Variants in SBSN observed in about 807,000 individuals in gnomAD.
SBSN encodes the protein suprabasin.
A neutral mutation model predicts 42.8 loss-of-function variants in SBSN; 33 were observed. The observed-to-expected ratio is 0.77, with a 90% CI of 0.58 to 1.03. The LOEUF (loss-of-function observed/expected upper bound fraction) is 1.03. Among genes scored for constraint, SBSN ranks in the 50% least tolerant of loss-of-function variants. The probability of loss-of-function intolerance (pLI) is 0.00; values close to 1 mark genes in which losing one functional copy is unlikely to be tolerated. For missense variants in SBSN, 646 were observed against 757.3 expected, an observed-to-expected ratio of 0.85 and a Z score of 1.72; for synonymous variants, 276 against 307.0, an observed-to-expected ratio of 0.90 and a Z score of 1.06.
chr19:35,527,092 A>G lies in SBSN; in HGVS notation c.1190T>C (p.Val397Ala). ...GACCACTCTGTCTTCCTCCTTCCCCACCTGCGAGGCAGCATGGTGGACACC... is the reference window on the plus strand; with the variant it reads ...GACCACTCTGTCTTCCTCCTTCCCCGCCTGCGAGGCAGCATGGTGGACACC... ...GQGVHHAASQVGKEEDRVVQG... is the reference protein window; with the variant it reads ...GQGVHHAASQAGKEEDRVVQG... Residue 397 changes from valine (V) to alanine (A), a missense_variant, in exon 1 of 4, where the codon GTG becomes GCG. Transcript: ENST00000452271. The G allele has an allele frequency of 6.6e-7, 1 of 1,524,314 alleles. No individual in the cohort carries two copies. The highest frequency in any genetic ancestry group is 2.0e-5 in the Admixed American group (1 of 49,648). 94.4% of individuals were successfully genotyped at this position (1,524,314 alleles called of 1,614,324 possible). A position where few individuals can be genotyped will look rare whatever the true frequency, so the allele number is the denominator to read the frequency against.
chr19:35,527,157 C>G lies in SBSN; in HGVS notation c.1125G>C (p.Gly375=), dbSNP rs1448926719. The change falls in exon 1 of 4, where the codon GGG becomes GGC. Residue 375 remains glycine, a synonymous_variant. Transcript: ENST00000452271. The part of the protein sequence containing the change: ...TEKLGHGVHH[G]VNEAWKEAEK... ...CTGCTTCCTTCCAGGCCTCATTAACCCCATGGTGGACCCCATGGCCGAGCT... is the reference window on the plus strand; with the variant it reads ...CTGCTTCCTTCCAGGCCTCATTAACGCCATGGTGGACCCCATGGCCGAGCT... The G allele has an allele frequency of 6.5e-7, 1 of 1,531,288 alleles. No individual in the cohort carries two copies. Among genetic ancestry groups the G allele is most frequent in the Admixed American group, 2.0e-5 (1 of 50,460 alleles). 94.9% of individuals were successfully genotyped at this position (1,531,288 alleles called of 1,614,324 possible). A position where few individuals can be genotyped will look rare whatever the true frequency, so the allele number is the denominator to read the frequency against.
intron 1 of SBSN, among the ~76,000 whole-genome samples, chr19:35,525,881 C>T (rs2071364713): frequency 6.6e-6 from 1 of 152,162 alleles, no homozygotes; most frequent in African/African-American, 2.4e-5. Flanking sequence ...TAGGGTTTCA[C>T]CATGTTGGCC....
At chr19:35,524,432 C>T (rs1250163727) in intron 3 of SBSN, among the ~76,000 whole-genome samples, 1 of 152,066 alleles carries the variant, frequency 6.6e-6, no homozygotes, top group Admixed American at 6.5e-5. Context: ...CCTCCTCCCT[C>T]CCTGGCTCCC....
At chr19:35,524,678 C>T in intron 3 of SBSN, 33 bp downstream of exon 3, 1 of 1,612,732 alleles carries the variant, frequency 6.2e-7, no homozygotes, top group Non-Finnish European at 8.5e-7. Context: ...TATCAGGACG[C>T]AGAGCAGAAA....
Position 35,528,311 on chromosome 19 carries a change from G to C in SBSN, c.-30C>G. The C allele has an allele frequency of 1.3e-6, 2 of 1,565,498 alleles. No individual in the cohort carries two copies. Among genetic ancestry groups the C allele is most frequent in the South Asian group, 1.2e-5 (1 of 84,720 alleles). ...CTGGGAAGGTCGGGAAGGATGCAGA[G>C]AGGAGCCAGGGAAGCCACGCTGCTA... On this transcript the variant is annotated 5_prime_UTR_variant, in exon 1 of 4. Coordinates refer to ENST00000452271, the MANE Select transcript of SBSN (RefSeq NM_001166034.2).
In SBSN at chr19:35,526,889, T is replaced by C. The variant is rs1243222237; in HGVS notation, c.1393A>G (p.Thr465Ala). 6.2e-7 allele frequency: 1 copy of C among 1,611,874 alleles called. No homozygotes were observed. The highest frequency in any genetic ancestry group is 2.2e-5 in the East Asian group (1 of 44,776). Residue 465 changes from threonine to alanine, a missense_variant, in exon 1 of 4, where the codon ACC becomes GCC. Physicochemically the swap from Thr to Ala is moderately conservative, Grantham distance 58. Coordinates refer to ENST00000452271, the MANE Select transcript of SBSN (RefSeq NM_001166034.2). ...AGQFGQGVHH[T>A]LEQAGKEADK... Reference sequence around the variant, plus strand: ...GCTTCCTTCCCGGCCTGTTCAAGGGTATGGTGAACTCCCTGGCCAAACTGC... The same window carrying C: ...GCTTCCTTCCCGGCCTGTTCAAGGGCATGGTGAACTCCCTGGCCAAACTGC...
rs191965342 is a variant in SBSN at position 35,527,010 on chromosome 19, G to A, written c.1272C>T (p.His424=). Residue 424 remains histidine (H), a synonymous_variant, in exon 1 of 4, where the codon CAC becomes CAT. Transcript: ENST00000452271. ...QAGREAGQFG[H]DIHHTAGQAG... is the part of the protein sequence containing the mutation. ...CCTGCCCTGCTGTGTGGTGAATGTCGTGGCCAAACTGCCCCGCCTCCCTTC... is the reference window on the plus strand; with the variant it reads ...CCTGCCCTGCTGTGTGGTGAATGTCATGGCCAAACTGCCCCGCCTCCCTTC... 705 of 1,544,102 alleles carry A rather than the reference G, an allele frequency of 4.6e-4. 3 individuals carry two copies. The South Asian group carries it at 4.7e-3, about 10-fold the overall frequency.
chr19:35,528,016 C>A lies in SBSN; in HGVS notation c.266G>T (p.Gly89Val), dbSNP rs1400287396. Reference protein sequence around the residue: ...TGKELDKGVQGLNHGMDKVAH... With the variant: ...TGKELDKGVQVLNHGMDKVAH... ...AACCTTGTCCATGCCGTGGTTGAGC[C>A]CCTGGACGCCTTTGTCCAACTCCTT... Residue 89 changes from glycine (G) to valine (V), a missense_variant, in exon 1 of 4, where the codon GGG becomes GTG. Physicochemically the swap from Gly to Val is moderately radical, Grantham distance 109. Coordinates refer to ENST00000452271, the MANE Select transcript of SBSN (RefSeq NM_001166034.2). 4 of 1,613,716 alleles carry A rather than the reference C, an allele frequency of 2.5e-6. No homozygotes were observed. Among genetic ancestry groups the A allele is most frequent in the Non-Finnish European group, 3.4e-6 (4 of 1,180,046 alleles).
At chr19:35,526,613 G>A in intron 1 of SBSN, 31 bp downstream of exon 1, 2 of 281,792 alleles carry the variant, frequency 7.1e-6, no homozygotes, top group East Asian at 1.0e-4. Flanking sequence ...CAACCCCCCT[G>A]TCCCCCATCT....
Position 35,527,750 on chromosome 19 carries a change from C to A in SBSN, c.532G>T (p.Ala178Ser), listed in dbSNP as rs1184825638. ...GRFGQGVHHA[A>S]GQAGNEAGRF... The stretch of plus-strand genomic sequence containing the variant: ...CCAGCCTCATTTCCGGCCTGCCCTG[C>A]AGCATGGTGGACTCCCTGGCCAAAC... The change falls in exon 1 of 4, where the codon GCA becomes TCA. Residue 178 changes from alanine to serine, a missense_variant. Coordinates refer to ENST00000452271, the MANE Select transcript of SBSN (RefSeq NM_001166034.2). 7 of 1,579,906 alleles carry A rather than the reference C, an allele frequency of 4.4e-6. No homozygotes were observed. Among genetic ancestry groups the A allele is most frequent in the Non-Finnish European group, 5.2e-6 (6 of 1,164,546 alleles).
chr19:35,524,642 CG>C, intron 3 of SBSN, 68 bp downstream of exon 3: 1 of 1,561,270 alleles, frequency 6.4e-7, no homozygotes, highest in Non-Finnish European at 8.8e-7. Flanking sequence ...AAACAGACAC[CG>C]GGAAGGGGTC....
intron 3 of SBSN, 85 bp from the exon 4 acceptor site, chr19:35,523,618 A>G: frequency 7.4e-7 from 1 of 1,347,148 alleles, no homozygotes; most frequent in South Asian, 1.2e-5. Context: ...CCTCGGGAGA[A>G]GCACAAGGGG....
chr19:35,524,673 G>T, intron 3 of SBSN, 38 bp downstream of exon 3: 1 of 1,609,950 alleles, frequency 6.2e-7, no homozygotes, highest in Non-Finnish European at 8.5e-7. Flanking sequence ...GTATCTATCA[G>T]GACGCAGAGC....
At chr19:35,526,615 C>A in intron 1 of SBSN, 29 bp downstream of exon 1, 5 of 497,590 alleles carry the variant, frequency 1.0e-5, no homozygotes, top group South Asian at 2.0e-5. Flanking sequence ...ACCCCCCTGT[C>A]CCCCATCTCC....
rs1445709190 is a variant in SBSN, at chr19:35,527,648, G to T, written c.634C>A (p.His212Asn). Residue 212 changes from histidine (H) to asparagine (N), a missense_variant, in exon 1 of 4, where the codon CAT becomes AAT. Physicochemically the swap from His to Asn is moderately conservative, Grantham distance 68 (BLOSUM62 1). This residue lies in a region of SBSN where 220 missense variants were observed against 334.5 expected (regional missense o/e 0.66). Transcript: ENST00000452271. The part of the protein sequence containing the change: ...EAGRFGQGAH[H>N]GLSEGWKETE... The stretch of plus-strand genomic sequence containing the variant: ...TCCTTCCAGCCCTCACTGAGACCAT[G>T]GTGGGCCCCCTGGCCAAATCTCCCA... 2 of 1,536,656 alleles carry T rather than the reference G, an allele frequency of 1.3e-6. No individual in the cohort carries two copies. The highest frequency in any genetic ancestry group is 1.7e-6 in the Non-Finnish European group (2 of 1,149,598).
At chr19:35,525,487 C>A (rs890462668) in intron 1 of SBSN, among the ~76,000 whole-genome samples, 7 of 125,884 alleles carry the variant, frequency 5.6e-5, no homozygotes, top group Admixed American at 4.5e-4. Context: ...CTCTGTCTGG[C>A]GGCAGATGTG....
chr19:35,527,372 C>A lies in SBSN; in HGVS notation c.910G>T (p.Ala304Ser). ...CCTGCCTCATTTCCGGCCTGCCCCG[C>A]AGCATGGTGGGCCCCCTGGCCAAAC... ...EKFGQGAHHA[A>S]GQAGNEAGRF... Residue 304 changes from alanine (A) to serine (S), a missense_variant, in exon 1 of 4, where the codon GCG becomes TCG. This residue lies in a region of SBSN where 220 missense variants were observed against 334.5 expected (regional missense o/e 0.66). Coordinates refer to ENST00000452271, the MANE Select transcript of SBSN (RefSeq NM_001166034.2). 2 of 1,556,094 alleles carry A rather than the reference C, an allele frequency of 1.3e-6. No homozygotes were observed.
rs115688031 is a variant in SBSN at position 35,525,435 on chromosome 19, G to A, written c.1639-511C>T. ...CGGCACCCTGCAGCCTGCCGTGCCC[G>A]CTCCTCTGCTGCGCCGTTCCTCCCC... On this transcript the variant is annotated intron_variant, in intron 1 of 3. Transcript: ENST00000452271. 7.2e-3 allele frequency among the ~76,000 whole-genome samples: 1,098 copies of A among 152,042 alleles called. 15 individuals carry two copies. Among genetic ancestry groups the A allele is most frequent in the African/African-American group, 0.025 (1,039 of 41,436 alleles).
In SBSN at chr19:35,527,026, G is replaced by C. The variant is rs10775583; in HGVS notation, c.1256C>G (p.Ala419Gly). ...GTGAATGTCGTGGCCAAACTGCCCC[G>C]CCTCCCTTCCAGCCTGACTAACGCC... ...HHGVSQAGRE[A>G]GQFGHDIHHT... Residue 419 changes from alanine (A) to glycine (G), a missense_variant, in exon 1 of 4, where the codon GCG becomes GGG. Ala to Gly is a moderately conservative substitution (Grantham distance 60). This residue lies in a region of SBSN where 236 missense variants were observed against 225.6 expected (regional missense o/e 1.05). Transcript: ENST00000452271. 584,028 of 1,541,782 alleles carry C rather than the reference G, an allele frequency of 0.38. 115,254 individuals carry two copies. The highest frequency in any genetic ancestry group is 0.68 in the East Asian group (27,724 of 40,846).
Sources: gnomAD v4.1 joint callset for allele counts (sites outside exome capture counted in the v4.1 genomes callset) on GRCh38, gnomAD v4.1.1 for gene constraint, gnomAD v4.1.1 regional missense constraint, MANE v1.5 for transcripts, NCBI Gene and HGNC (gene_info 2026-07-23, HGNC 2026-07-21) for gene names.